The following DLEU7 variants were observed in gnomAD, a reference collection of about 807,000 sequenced individuals.
DLEU7 encodes leukemia-associated protein 7.
A neutral mutation model predicts 16.0 loss-of-function variants in DLEU7; 17 were observed. The ratio of observed to expected loss-of-function variants is 1.06; its 90% CI spans 0.73 to 1.59. The LOEUF (loss-of-function observed/expected upper bound fraction) is 1.59. Ranked by LOEUF, DLEU7 falls within the 40% of genes most tolerant of loss-of-function variation. The probability of loss-of-function intolerance (pLI) is 0.00; values close to 1 mark genes in which losing one functional copy is unlikely to be tolerated. For missense variants in DLEU7, 308 were observed against 314.9 expected, an observed-to-expected ratio of 0.98 and a Z score of 0.17; for synonymous variants, 113 against 139.8, an observed-to-expected ratio of 0.81 and a Z score of 1.35.
chr13:50,789,698 T>G (rs1318110347), intron 1 of DLEU7, among the ~76,000 whole-genome samples: 1 of 152,102 alleles, frequency 6.6e-6, no homozygotes, highest in East Asian at 1.9e-4. Flanking sequence ...CATTATGAAA[T>G]TATAGAATGT....
intron 1 of DLEU7, among the ~76,000 whole-genome samples, chr13:50,827,578 C>T (rs1026884111): frequency 6.6e-6 from 1 of 151,664 alleles, no homozygotes; most frequent in African/African-American, 2.4e-5. Context: ...CCCAGCTACT[C>T]AGGAGGCTGA....
chr13:50,815,762 G>A (rs1876715092), intron 1 of DLEU7, among the ~76,000 whole-genome samples: 1 of 152,108 alleles, frequency 6.6e-6, no homozygotes, highest in South Asian at 2.1e-4. Flanking sequence ...AAAGAAGCAA[G>A]TCCCAGAAAA....
At chr13:50,711,744 T>C (rs1247157798), downstream of DLEU7, 1 of 143,584 alleles carries the variant, frequency 7.0e-6, no homozygotes, top group Non-Finnish European at 1.5e-5. Flanking sequence ...AAGTATTATC[T>C]TGTTTAACCC....
At chr13:50,766,667 G>T (rs1205441206) in intron 1 of DLEU7, among the ~76,000 whole-genome samples, 3 of 152,100 alleles carry the variant, frequency 2.0e-5, no homozygotes, top group East Asian at 1.9e-4. Context: ...TAGGCCTAGG[G>T]AATTGGCTTT....
intron 1 of DLEU7, among the ~76,000 whole-genome samples, chr13:50,736,081 A>G (rs1342843476): frequency 6.6e-6 from 1 of 152,212 alleles, no homozygotes; most frequent in Admixed American, 6.5e-5. Context: ...TACTATTAAC[A>G]ATAGCAAAGA....
At chr13:50,834,900 G>A (rs547574867) in intron 1 of DLEU7, among the ~76,000 whole-genome samples, 2 of 152,132 alleles carry the variant, frequency 1.3e-5, no homozygotes, top group Non-Finnish European at 1.5e-5. Flanking sequence ...CAGGGACATG[G>A]ATGAAGCCAT....
intron 1 of DLEU7, among the ~76,000 whole-genome samples, chr13:50,837,581 T>G (rs1486270053): frequency 1.3e-5 from 2 of 152,206 alleles, no homozygotes; most frequent in Non-Finnish European, 2.9e-5. Context: ...TTGTCACAGA[T>G]AATGAGCACC....
intron 1 of DLEU7, among the ~76,000 whole-genome samples, chr13:50,824,887 T>C (rs1336676567): frequency 6.6e-6 from 1 of 152,206 alleles, no homozygotes; most frequent in African/African-American, 2.4e-5. Context: ...TCTACCGTGA[T>C]ATAGCAGATG....
chr13:50,766,052 A>C (rs547684100), intron 1 of DLEU7, among the ~76,000 whole-genome samples: 2 of 152,160 alleles, frequency 1.3e-5, no homozygotes, highest in Non-Finnish European at 1.5e-5. Flanking sequence ...AGAGAAAAGG[A>C]TGCGTGTAGC....
intron 1 of DLEU7, among the ~76,000 whole-genome samples, chr13:50,734,378 C>T (rs1198510855): frequency 6.6e-6 from 1 of 152,084 alleles, no homozygotes; most frequent in Admixed American, 6.6e-5. Flanking sequence ...TTATCGTCCT[C>T]TGAGTAACCT....
intron 1 of DLEU7, among the ~76,000 whole-genome samples, chr13:50,747,332 CTGTGTGTGTGTGTGTGTG>C (rs3039979): frequency 1.5e-5 from 2 of 137,706 alleles, no homozygotes; most frequent in East Asian, 2.1e-4. Context: ...AAGAAAAACT[CTGTGTGTGTGTGTGTGTG>C]TGTGTGTGTG....
intron 1 of DLEU7, among the ~76,000 whole-genome samples, chr13:50,786,428 T>G (rs975605614): frequency 6.6e-6 from 1 of 152,232 alleles, no homozygotes; most frequent in Non-Finnish European, 1.5e-5. Context: ...ACAACATTAA[T>G]ACAATTTACC....
chr13:50,825,089 TTC>T (rs1165294879), intron 1 of DLEU7, among the ~76,000 whole-genome samples: 1 of 152,326 alleles, frequency 6.6e-6, no homozygotes, highest in African/African-American at 2.4e-5. Flanking sequence ...AGGCATTAGA[TTC>T]TCTCTTTTTT....
intron 1 of DLEU7, among the ~76,000 whole-genome samples, chr13:50,776,752 C>G (rs980266268): frequency 2.6e-5 from 4 of 152,120 alleles, no homozygotes; most frequent in Non-Finnish European, 1.5e-5. Context: ...ATTTTCATAT[C>G]TCATCTATAG....
chr13:50,779,272 C>T (rs2137764045), intron 1 of DLEU7, among the ~76,000 whole-genome samples: 1 of 152,292 alleles, frequency 6.6e-6, no homozygotes, highest in East Asian at 1.9e-4. Context: ...ACTTACGTTC[C>T]ATGAACCAGT....
At position 50,834,667 on chromosome 13, in the gene DLEU7, T is replaced by G. The variant is rs1877391798; in HGVS notation, c.459+8521A>C. On this transcript the variant is annotated intron_variant, in intron 1 of 1. Coordinates refer to ENST00000504404, the MANE Select transcript of DLEU7 (RefSeq NM_001306135.2). Reference sequence around the variant, plus strand: ...CAAGGATCTAGAACCAGAAATACCATTAGACCCAGCAATCCCATTACTGGT... The same window carrying G: ...CAAGGATCTAGAACCAGAAATACCAGTAGACCCAGCAATCCCATTACTGGT... Among the ~76,000 whole-genome samples, 3 of 152,120 alleles carry G rather than the reference T, an allele frequency of 2.0e-5. No homozygotes were observed. In the South Asian group the frequency reaches 6.2e-4, roughly 32 times the overall value.
chr13:50,771,435 A>C (rs1368088333), intron 1 of DLEU7, among the ~76,000 whole-genome samples: 1 of 152,168 alleles, frequency 6.6e-6, no homozygotes, highest in Non-Finnish European at 1.5e-5. Context: ...AGTGCTTTAA[A>C]TCTGTCCCAG....
downstream of DLEU7, chr13:50,711,772 C>CCGG: frequency 2.3e-3 from 169 of 72,784 alleles, 31 homozygotes; most frequent in African/African-American, 5.2e-3. Flanking sequence ...GACCCAGTGG[C>CCGG]GGGGGCGGGG....
chr13:50,802,715 T>G (rs1199700283), intron 1 of DLEU7, among the ~76,000 whole-genome samples: 1 of 152,190 alleles, frequency 6.6e-6, no homozygotes, highest in East Asian at 1.9e-4. Flanking sequence ...CTCCCTCTTA[T>G]CTCTGTCACT....
Sources: gnomAD v4.1 joint callset for allele counts (sites outside exome capture counted in the v4.1 genomes callset) on GRCh38, gnomAD v4.1.1 for gene constraint, MANE v1.5 for transcripts, NCBI Gene and HGNC (gene_info 2026-07-23, HGNC 2026-07-21) for gene names.